The following VOPP1 variants were observed in gnomAD, a reference collection of about 807,000 sequenced individuals.
VOPP1 encodes the protein VOPP1 WW domain binding protein.
Under a neutral mutation model 23.5 loss-of-function variants are expected in VOPP1, and 8 were observed. That is an observed-to-expected ratio of 0.34 (90% CI 0.20 to 0.61). The LOEUF (loss-of-function observed/expected upper bound fraction) is 0.61. Ranked by LOEUF, VOPP1 falls within the 20% of genes least tolerant of loss-of-function variation. The pLI is 0.78. For missense variants in VOPP1, 174 were observed against 238.1 expected, an observed-to-expected ratio of 0.73 and a Z score of 1.77; for synonymous variants, 83 against 97.3, an observed-to-expected ratio of 0.85 and a Z score of 0.86.
intron 4 of VOPP1, among the ~76,000 whole-genome samples, chr7:55,485,786 C>A (rs999132693): frequency 2.0e-5 from 3 of 152,254 alleles, no homozygotes; most frequent in Non-Finnish European, 4.4e-5. Context: ...CTGCAGACCT[C>A]ATTGCAACAA....
chr7:55,485,583 G>A (rs1275757860), intron 4 of VOPP1, among the ~76,000 whole-genome samples: 2 of 152,172 alleles, frequency 1.3e-5, no homozygotes, highest in Admixed American at 6.5e-5. Flanking sequence ...AGTCACTGTC[G>A]CCCTGTCCTC....
intron 4 of VOPP1, among the ~76,000 whole-genome samples, chr7:55,443,573 A>ACC (rs1791021360): frequency 6.6e-6 from 1 of 151,888 alleles, no homozygotes; most frequent in African/African-American, 2.4e-5. Context: ...AACAAAACCA[A>ACC]ACAAACAAAC....
In VOPP1 at chr7:55,471,848, C is replaced by G. The variant is rs1583831136; in HGVS notation, c.*1007G>C. 1 of 152,032 alleles carries G rather than the reference C, an allele frequency of 6.6e-6. No homozygotes were observed. The highest frequency in any genetic ancestry group is 2.1e-4 in the South Asian group (1 of 4,792). 9.4% of individuals were successfully genotyped at this position (152,032 alleles called of 1,614,324 possible). Reference sequence around the variant, plus strand: ...CCAACACAACCTCAGAGAGAGACGCCTCAGCTGGTCTCTCTCCCTGGAAGA... The same window carrying G: ...CCAACACAACCTCAGAGAGAGACGCGTCAGCTGGTCTCTCTCCCTGGAAGA... On this transcript the variant is annotated 3_prime_UTR_variant, in exon 5 of 5. Coordinates refer to ENST00000285279, the MANE Select transcript of VOPP1 (RefSeq NM_030796.5).
intron 4 of VOPP1, among the ~76,000 whole-genome samples, chr7:55,483,457 G>A (rs1047621199): frequency 1.3e-5 from 2 of 152,128 alleles, no homozygotes; most frequent in African/African-American, 4.8e-5. Context: ...CAACCCTTCA[G>A]TAAGTTCCAT....
At chr7:55,494,750 G>A (rs561706959) in intron 3 of VOPP1, among the ~76,000 whole-genome samples, 2 of 152,278 alleles carry the variant, frequency 1.3e-5, no homozygotes, top group East Asian at 1.9e-4. Flanking sequence ...GTGCACCATT[G>A]TGCTAGGCCA....
chr7:55,463,074 A>G (rs949484401), intron 4 of VOPP1, among the ~76,000 whole-genome samples: 1 of 152,110 alleles, frequency 6.6e-6, no homozygotes, highest in Non-Finnish European at 1.5e-5. Flanking sequence ...ATTCCATTGT[A>G]GTCTGAAAAG....
At chr7:55,440,861 C>T (rs1488243202) in intron 4 of VOPP1, among the ~76,000 whole-genome samples, 3 of 152,172 alleles carry the variant, frequency 2.0e-5, no homozygotes, top group African/African-American at 7.2e-5. Context: ...GAGTATACGC[C>T]GCTGGCACAG....
chr7:55,486,943 C>T (rs1793188140), intron 4 of VOPP1, among the ~76,000 whole-genome samples: 1 of 152,108 alleles, frequency 6.6e-6, no homozygotes, highest in African/African-American at 2.4e-5. Context: ...AGGAAAAAAC[C>T]CAGAATGGAA....
Position 55,492,393 on chromosome 7 carries a change from A to G in VOPP1, c.217T>C (p.Phe73Leu). The G allele has an allele frequency of 1.2e-6, 2 of 1,611,352 alleles. No homozygotes were observed. The highest frequency in any genetic ancestry group is 1.7e-6 in the Non-Finnish European group (2 of 1,178,774). Residue 73 changes from phenylalanine (F) to leucine (L), a missense_variant, in exon 4 of 5, where the codon TTC (phenylalanine) becomes CTC (leucine). Transcript: ENST00000285279. ...FWFLLMMGVL[F>L]CCGAGFFIRR... ...ATGAAGAAGCCGGCTCCGCAGCAGA[A>G]AAGCACGCCCATCATCAGAAGGAAC...
chr7:55,533,156 A>G (rs554767452), intron 1 of VOPP1, among the ~76,000 whole-genome samples: 1 of 152,306 alleles, frequency 6.6e-6, no homozygotes, highest in East Asian at 1.9e-4. Flanking sequence ...AATCAACTCA[A>G]TCATTTCTGT....
intron 4 of VOPP1, 105 bp from the exon 5 acceptor site, chr7:55,473,150 G>T (rs893253975): frequency 6.7e-7 from 1 of 1,485,358 alleles, no homozygotes; most frequent in East Asian, 2.7e-5. Flanking sequence ...CATTCACTCA[G>T]CGACAGTGTA....
intron 4 of VOPP1, among the ~76,000 whole-genome samples, chr7:55,437,752 T>G (rs1790866575): frequency 6.6e-6 from 1 of 152,212 alleles, no homozygotes; most frequent in South Asian, 2.1e-4. Flanking sequence ...CTTTCTTCTG[T>G]TTTACACCCC....
At chr7:55,567,107 G>C (rs958655843) in intron 1 of VOPP1, among the ~76,000 whole-genome samples, 2 of 152,184 alleles carry the variant, frequency 1.3e-5, no homozygotes, top group African/African-American at 4.8e-5. Context: ...TCCAGCCCCT[G>C]ATCAACTGCC....
intron 1 of VOPP1, among the ~76,000 whole-genome samples, chr7:55,561,697 GAA>G (rs10548276): frequency 0.86 from 80,608 of 93,906 alleles, 35,011 homozygotes; most frequent in East Asian, 0.98. Context: ...ACTCTGTCTG[GAA>G]AAAAAAAAAA....
intron 3 of VOPP1, 39 bp downstream of exon 3, chr7:55,497,571 CAGA>C: frequency 9.0e-7 from 1 of 1,106,332 alleles, no homozygotes; most frequent in Non-Finnish European, 1.3e-6. Context: ...GGGGGGGGGG[CAGA>C]GCTCTCGGGG....
rs751666916 is a variant in VOPP1, at chr7:55,472,842, C to T, written c.*13G>A. 76 of 1,126,854 alleles carry T rather than the reference C, an allele frequency of 6.7e-5. No individual in the cohort carries two copies. Among genetic ancestry groups the T allele is most frequent in the Non-Finnish European group, 8.8e-5 (74 of 837,616 alleles). The allele number at this position is 1,126,854 out of a possible 1,614,324, so 69.8% of individuals were successfully genotyped here. ...GCCCTCTCCTGTCTCTCCTCTTGCACGTGGGCACCCCACTACTTGGCCTTC... is the reference window on the plus strand; with the variant it reads ...GCCCTCTCCTGTCTCTCCTCTTGCATGTGGGCACCCCACTACTTGGCCTTC... On this transcript the variant is annotated 3_prime_UTR_variant, in exon 5 of 5. Transcript: ENST00000285279.
chr7:55,500,800 T>A (rs1794312564), intron 2 of VOPP1, among the ~76,000 whole-genome samples: 1 of 152,218 alleles, frequency 6.6e-6, no homozygotes, highest in African/African-American at 2.4e-5. Flanking sequence ...ACGTTAGAGA[T>A]GTTGCACCTC....
chr7:55,457,379 T>C (rs1375993067), intron 4 of VOPP1, among the ~76,000 whole-genome samples: 2 of 152,222 alleles, frequency 1.3e-5, no homozygotes, highest in African/African-American at 4.8e-5. Flanking sequence ...GATAGACACT[T>C]AGATGATTCC....
chr7:55,439,827 A>G (rs997723695), intron 4 of VOPP1, among the ~76,000 whole-genome samples: 1 of 152,218 alleles, frequency 6.6e-6, no homozygotes, highest in Admixed American at 6.5e-5. Context: ...AGAAAGTGTG[A>G]AAGCACCCAG....
Sources: allele counts gnomAD v4.1 joint callset (sites outside exome capture counted in the v4.1 genomes callset), GRCh38; gene constraint gnomAD v4.1.1; transcripts MANE v1.5; gene names NCBI Gene and HGNC (gene_info 2026-07-23, HGNC 2026-07-21).